The following ANK3 variants were observed in gnomAD, a reference collection of about 807,000 sequenced individuals.
ANK3 encodes the protein ankyrin-3.
ANK3 carries 57 observed loss-of-function variants against 370.9 expected under a neutral mutation model. The ratio of observed to expected loss-of-function variants is 0.15; its 90% CI spans 0.12 to 0.19. The LOEUF (loss-of-function observed/expected upper bound fraction) is 0.19, where lower values mean the gene tolerates loss of function less well. ANK3 is among the 10% of genes least tolerant of loss of function. ANK3 has a pLI of 1.00. For synonymous variants in ANK3, 1,929 were observed against 1,946.3 expected (o/e 0.99, Z 0.23); for missense variants, 4,439 against 5,302.1 (o/e 0.84, Z 5.06).
chr10:60,285,873 A>T (rs2098236780), intron 1 of ANK3, among the ~76,000 whole-genome samples: 1 of 152,166 alleles, frequency 6.6e-6, no homozygotes, highest in African/African-American at 2.4e-5. Context: ...TCCGAAGATT[A>T]TCCTAGCCAC....
At chr10:60,051,638 G>C in intron 42 of ANK3, 6 of 370,588 alleles carry the variant, frequency 1.6e-5, no homozygotes, top group Non-Finnish European at 2.2e-5. Context: ...AATCAAGAAA[G>C]AATTACACTT....
intron 2 of ANK3, among the ~76,000 whole-genome samples, chr10:60,429,639 T>C (rs1302781976): frequency 6.6e-6 from 1 of 152,196 alleles, no homozygotes; most frequent in Non-Finnish European, 1.5e-5. Context: ...GGACAGTTCT[T>C]GGTTTTGGCC....
Position 60,073,982 on chromosome 10 carries a change from A to G in ANK3, c.6899T>C (p.Val2300Ala). ...LAGLFEHKSAVSPDVHKSAAE... is the reference protein window; with the variant it reads ...LAGLFEHKSAASPDVHKSAAE... ...AGCAGACTTGTGAACATCTGGAGAC[A>G]CTGCCGACTTATGTTCAAACAGACC... The change falls in exon 37 of 44, where the codon GTG becomes GCG. Residue 2300 changes from valine (V) to alanine (A), a missense_variant. Coordinates refer to ENST00000280772, the MANE Select transcript of ANK3 (RefSeq NM_020987.5). The G allele has an allele frequency of 6.2e-7, 1 of 1,614,036 alleles. No individual in the cohort carries two copies. Among genetic ancestry groups the G allele is most frequent in the Non-Finnish European group, 8.5e-7 (1 of 1,179,984 alleles).
chr10:60,676,442 T>G (rs1273319844), intron 1 of ANK3, among the ~76,000 whole-genome samples: 2 of 152,204 alleles, frequency 1.3e-5, no homozygotes, highest in Non-Finnish European at 2.9e-5. Flanking sequence ...TAAGGTCTGT[T>G]ATATACATTT....
chr10:60,497,033 G>T (rs2075676141), intron 2 of ANK3, among the ~76,000 whole-genome samples: 2 of 152,174 alleles, frequency 1.3e-5, no homozygotes, highest in Admixed American at 1.3e-4. Flanking sequence ...TGGGTGTAAT[G>T]GCTCATGCCT....
intron 2 of ANK3, among the ~76,000 whole-genome samples, chr10:60,442,131 T>G (rs1219776194): frequency 6.6e-6 from 1 of 150,666 alleles, no homozygotes; most frequent in Non-Finnish European, 1.5e-5. Context: ...AATCTTGCTC[T>G]GTTGCCCAGG....
chr10:60,416,023 A>T (rs1236962933), intron 2 of ANK3, among the ~76,000 whole-genome samples: 3 of 147,794 alleles, frequency 2.0e-5, no homozygotes, highest in Non-Finnish European at 4.4e-5. Flanking sequence ...TGGAGTCCTC[A>T]TGAATAGGAT....
At chr10:60,237,008 G>A (rs1460122362) in intron 7 of ANK3, among the ~76,000 whole-genome samples, 1 of 152,194 alleles carries the variant, frequency 6.6e-6, no homozygotes, top group East Asian at 1.9e-4. Flanking sequence ...TTTGGCCTGT[G>A]GGCAGTGGTT....
At chr10:60,372,289 A>C (rs1327736160) in intron 1 of ANK3, among the ~76,000 whole-genome samples, 1 of 152,208 alleles carries the variant, frequency 6.6e-6, no homozygotes, top group Non-Finnish European at 1.5e-5. Context: ...TGTGGCAACA[A>C]CTGTGGATGT....
chr10:60,522,539 A>G (rs1284877875), intron 2 of ANK3, among the ~76,000 whole-genome samples: 1 of 151,912 alleles, frequency 6.6e-6, no homozygotes, highest in African/African-American at 2.4e-5. Context: ...ATCTGTACCC[A>G]TTCTCTAGCT....
intron 1 of ANK3, among the ~76,000 whole-genome samples, chr10:60,682,542 T>C (rs111782551): frequency 1.8e-4 from 27 of 152,286 alleles, no homozygotes; most frequent in African/African-American, 6.3e-4. Context: ...TCTTACCTTC[T>C]CCTGCCCTCC....
intron 1 of ANK3, among the ~76,000 whole-genome samples, chr10:60,316,077 A>T (rs1271218079): frequency 1.3e-5 from 2 of 152,080 alleles, no homozygotes; most frequent in Non-Finnish European, 2.9e-5. Context: ...TGCCAAAATC[A>T]AGGTTCCCCT....
chr10:60,281,816 G>A (rs2098167607), intron 1 of ANK3, among the ~76,000 whole-genome samples: 1 of 152,112 alleles, frequency 6.6e-6, no homozygotes, highest in Non-Finnish European at 1.5e-5. Flanking sequence ...GTGTCTGAGA[G>A]CACACACAGC....
chr10:60,581,647 C>T (rs1230099672), intron 2 of ANK3, among the ~76,000 whole-genome samples: 1 of 151,386 alleles, frequency 6.6e-6, no homozygotes, highest in South Asian at 2.1e-4. Flanking sequence ...ATCATCTTGG[C>T]CATGCTGGTC....
intron 2 of ANK3, among the ~76,000 whole-genome samples, chr10:60,461,104 C>T (rs2064873017): frequency 6.6e-6 from 1 of 152,156 alleles, no homozygotes; most frequent in Admixed American, 6.5e-5. Flanking sequence ...GCCACACTGG[C>T]CTTTATCATA....
At chr10:60,144,632 G>A (rs1350422239) in intron 23 of ANK3, among the ~76,000 whole-genome samples, 1 of 152,132 alleles carries the variant, frequency 6.6e-6, no homozygotes, top group African/African-American at 2.4e-5. Flanking sequence ...GCTGAAAGAA[G>A]AGATTTCCTA....
At chr10:60,219,705 A>G (rs1308756428) in intron 8 of ANK3, among the ~76,000 whole-genome samples, 5 of 152,208 alleles carry the variant, frequency 3.3e-5, no homozygotes, top group Non-Finnish European at 5.9e-5. Flanking sequence ...ACTGGTACTT[A>G]ATACCTACCC....
At chr10:60,301,207 CTATAT>C (rs1387806460) in intron 1 of ANK3, among the ~76,000 whole-genome samples, 4 of 144,032 alleles carry the variant, frequency 2.8e-5, no homozygotes, top group African/African-American at 1.0e-4. Flanking sequence ...TATATATATA[CTATAT>C]ATGTATGTAT....
chr10:60,064,551 G>A (rs2081236906), intron 38 of ANK3, among the ~76,000 whole-genome samples: 1 of 151,964 alleles, frequency 6.6e-6, no homozygotes, highest in Non-Finnish European at 1.5e-5. Context: ...ACTTAGGCTG[G>A]GCACAGTGGC....
Sources: gnomAD v4.1 joint callset for allele counts (sites outside exome capture counted in the v4.1 genomes callset) on GRCh38, gnomAD v4.1.1 for gene constraint, MANE v1.5 for transcripts, NCBI Gene and HGNC (gene_info 2026-07-23, HGNC 2026-07-21) for gene names.